Variants in TRIOBP observed in about 807,000 individuals in gnomAD.
TRIOBP encodes the protein TRIO and F-actin-binding protein.
Under a neutral mutation model 238.8 loss-of-function variants are expected in TRIOBP, and 169 were observed. The ratio of observed to expected loss-of-function variants is 0.71; its 90% CI spans 0.62 to 0.80. The LOEUF (loss-of-function observed/expected upper bound fraction) is 0.80, where lower values mean the gene tolerates loss of function less well. Among genes scored for constraint, TRIOBP ranks in the 30% least tolerant of loss-of-function variants. The pLI is 0.00. For synonymous variants in TRIOBP, 1,150 were observed against 1,274.4 expected (o/e 0.90, Z 2.08); for missense variants, 2,838 against 3,122.6 (o/e 0.91, Z 2.17).
At position 37,755,677 on chromosome 22, in the gene TRIOBP, C is replaced by T. The variant is rs1412205296; in HGVS notation, c.5687+18C>T. On this transcript the variant is annotated intron_variant, in intron 15 of 23. Coordinates refer to ENST00000644935, the MANE Select transcript of TRIOBP (RefSeq NM_001039141.3). ...GTCACCAAGTACGTACTAAGCTGGACTGGGGCCTTGAGGGAGGCACTTACC... is the reference window on the plus strand; with the variant it reads ...GTCACCAAGTACGTACTAAGCTGGATTGGGGCCTTGAGGGAGGCACTTACC... 3 of 1,612,002 alleles carry T rather than the reference C, an allele frequency of 1.9e-6. No individual in the cohort carries two copies. In the Admixed American group the frequency reaches 5.0e-5, roughly 27 times the overall value.
intron 23 of TRIOBP, among the ~76,000 whole-genome samples, chr22:37,773,355 A>C (rs1926879696): frequency 6.6e-6 from 1 of 151,996 alleles, no homozygotes; most frequent in Non-Finnish European, 1.5e-5. Context: ...AGTAGCTGGG[A>C]CCACAGGCCC....
chr22:37,719,570 G>A (rs1923714774), intron 6 of TRIOBP, among the ~76,000 whole-genome samples: 1 of 152,130 alleles, frequency 6.6e-6, no homozygotes, highest in South Asian at 2.1e-4. Flanking sequence ...AATCATGGCT[G>A]AATAGATGAG....
At position 37,733,399 on chromosome 22, in the gene TRIOBP, C is replaced by G. The variant is rs1231805145; in HGVS notation, c.4049C>G (p.Ala1350Gly). Residue 1350 changes from alanine (A) to glycine (G), a missense_variant, in exon 8 of 24, where the codon GCC becomes GGC. Around this residue, in one of 5 missense-constraint regions of TRIOBP, gnomAD observed 2,096 missense variants for 2,137.4 expected, o/e 0.98. Coordinates refer to ENST00000644935, the MANE Select transcript of TRIOBP (RefSeq NM_001039141.3). ...SQLLRRQSSP[A>G]PSRQVTMLPA... ...CTTCTCCGAAGACAGTCCAGCCCTGCCCCCAGCAGGCAGGTGAGCACTGCC... is the reference window on the plus strand; with the variant it reads ...CTTCTCCGAAGACAGTCCAGCCCTGGCCCCAGCAGGCAGGTGAGCACTGCC... 3 of 1,550,488 alleles carry G rather than the reference C, an allele frequency of 1.9e-6. No homozygotes were observed. Among genetic ancestry groups the G allele is most frequent in the Non-Finnish European group, 2.6e-6 (3 of 1,146,898 alleles).
chr22:37,712,271 TCAGCCTC>T (rs1342485572), intron 4 of TRIOBP, among the ~76,000 whole-genome samples: 31 of 151,964 alleles, frequency 2.0e-4, no homozygotes, highest in South Asian at 6.3e-4. Flanking sequence ...CACTGCAACC[TCAGCCTC>T]CCGAGTAGCT....
At chr22:37,746,864 C>A (rs1425840180) in intron 11 of TRIOBP, among the ~76,000 whole-genome samples, 1 of 149,780 alleles carries the variant, frequency 6.7e-6, no homozygotes, top group Non-Finnish European at 1.5e-5. Flanking sequence ...GTCGCGCTGA[C>A]CCGGGCCTGG....
Position 37,710,452 on chromosome 22 carries a change from AG to A in TRIOBP, c.142del (p.Val48CysfsTer71). ...YQELRSPSGAEVPYCDLPRCP... is the reference protein window; with the variant it reads ...YQELRSPSGAXVPYCDLPRCP... The stretch of plus-strand genomic sequence containing the variant: ...GAGCTCAGGAGCCCTTCAGGTGCTG[AG>A]GTGCCCTACTGCGACCTGCCTCGAT... On this transcript the variant is annotated frameshift_variant, in exon 4 of 24. Coordinates refer to ENST00000644935, the MANE Select transcript of TRIOBP (RefSeq NM_001039141.3). LOFTEE classifies it high-confidence loss of function. The A allele has an allele frequency of 6.2e-7, 1 of 1,613,496 alleles. No individual in the cohort carries two copies. Among genetic ancestry groups the A allele is most frequent in the Non-Finnish European group, 8.5e-7 (1 of 1,179,988 alleles).
At chr22:37,763,976 C>T (rs1425927746) in intron 17 of TRIOBP, among the ~76,000 whole-genome samples, 1 of 152,244 alleles carries the variant, frequency 6.6e-6, no homozygotes, top group Non-Finnish European at 1.5e-5. Context: ...ATCTTCAAAG[C>T]CTGCAGAGGG....
chr22:37,765,254 T>G (rs543957606), intron 17 of TRIOBP, among the ~76,000 whole-genome samples: 18 of 152,272 alleles, frequency 1.2e-4, no homozygotes, highest in Non-Finnish European at 2.9e-5. Context: ...CACTCCAGCC[T>G]GGGTGACAGA....
At chr22:37,747,134 T>TAGC (rs1925324839) in intron 11 of TRIOBP, among the ~76,000 whole-genome samples, 1 of 151,666 alleles carries the variant, frequency 6.6e-6, no homozygotes, top group East Asian at 2.0e-4. Context: ...GTGCCATAGT[T>TAGC]AGCATATTGA....
At position 37,725,254 on chromosome 22, in the gene TRIOBP, A is replaced by G. The variant is rs377089666; in HGVS notation, c.2698A>G (p.Thr900Ala). Reference protein sequence around the residue: ...NNPRNSSPHRTNKDIPWASFP... With the variant: ...NNPRNSSPHRANKDIPWASFP... ...TCCCAGGAATTCATCTCCCCATCGT[A>G]CTAACAAAGACATCCCCTGGGCCTC... Residue 900 changes from threonine to alanine, a missense_variant, in exon 7 of 24, where the codon ACT (threonine) becomes GCT (alanine). Transcript: ENST00000644935. 1.1e-5 allele frequency: 17 copies of G among 1,613,912 alleles called. No homozygotes were observed. The African/African-American group carries it at 2.1e-4, about 20-fold the overall frequency.
At position 37,772,674 on chromosome 22, in the gene TRIOBP, G is replaced by T. The variant is rs200850285; in HGVS notation, c.7010G>T (p.Arg2337Leu). Residue 2337 changes from arginine (R) to leucine (L), a missense_variant, in exon 23 of 24, where the codon CGG (arginine) becomes CTG (leucine). By Grantham distance (102) the Arg-to-Leu change is moderately radical. This residue lies in a region of TRIOBP where 2,096 missense variants were observed against 2,137.4 expected (regional missense o/e 0.98). Transcript: ENST00000644935. ...ELSHIKTRSEREIEQLKEHLR... is the reference protein window; with the variant it reads ...ELSHIKTRSELEIEQLKEHLR... ...AGCCACATCAAGACACGGTCTGAGC[G>T]GGAGATCGAGCAGCTGAAGGAGCAC... is the stretch of plus-strand genomic sequence containing the variant. 12 of 1,614,134 alleles carry T rather than the reference G, an allele frequency of 7.4e-6. No homozygotes were observed. The highest frequency in any genetic ancestry group is 9.3e-6 in the Non-Finnish European group (11 of 1,180,032).
intron 4 of TRIOBP, among the ~76,000 whole-genome samples, chr22:37,712,385 G>A (rs1161221621): frequency 5.9e-5 from 9 of 151,906 alleles, no homozygotes; most frequent in Non-Finnish European, 7.4e-5. Flanking sequence ...AGGCTGGAGC[G>A]CAATGGCACG....
At chr22:37,708,078 C>A (rs140095621) in intron 3 of TRIOBP, among the ~76,000 whole-genome samples, 1 of 150,134 alleles carries the variant, frequency 6.7e-6, no homozygotes. Context: ...AACCCTGTCT[C>A]TACTAAAAAT....
chr22:37,726,419 G>A lies in TRIOBP; in HGVS notation c.3863G>A (p.Gly1288Glu). ...PPRRLAQRQP[G>E]PQAQCSSGGR... ...AGGAGGCTGGCCCAGAGACAGCCAG[G>A]GCCCCAGGCGCAGTGCAGCAGCGGG... Residue 1288 changes from glycine to glutamate, a missense_variant, in exon 7 of 24, where the codon GGG becomes GAG. Transcript: ENST00000644935. 2 of 1,586,358 alleles carry A rather than the reference G, an allele frequency of 1.3e-6. No homozygotes were observed. The highest frequency in any genetic ancestry group is 1.7e-6 in the Non-Finnish European group (2 of 1,167,208).
chr22:37,738,333 T>TAGGTGGTGGAC (rs1924775334), intron 9 of TRIOBP, among the ~76,000 whole-genome samples: 1 of 151,706 alleles, frequency 6.6e-6, no homozygotes, highest in East Asian at 1.9e-4. Flanking sequence ...TGTCAGATGA[T>TAGGTGGTGGAC]AGATGTTGGA....
chr22:37,753,400 G>C (rs1050191060), intron 12 of TRIOBP, among the ~76,000 whole-genome samples: 1 of 151,962 alleles, frequency 6.6e-6, no homozygotes, highest in African/African-American at 2.4e-5. Context: ...TCAGCCTCCC[G>C]AGTAGCCGGG....
chr22:37,709,071 C>T (rs755982172), intron 3 of TRIOBP, among the ~76,000 whole-genome samples: 3 of 152,200 alleles, frequency 2.0e-5, no homozygotes, highest in African/African-American at 7.2e-5. Flanking sequence ...CTCCTGCTGC[C>T]GAGCTCTGAT....
chr22:37,739,875 T>C (rs1924851882), intron 10 of TRIOBP, among the ~76,000 whole-genome samples: 1 of 152,232 alleles, frequency 6.6e-6, no homozygotes, highest in Non-Finnish European at 1.5e-5. Context: ...CTAGTCTCCA[T>C]GAAACGGGCC....
At chr22:37,730,270 G>A (rs985707706) in intron 7 of TRIOBP, among the ~76,000 whole-genome samples, 3 of 152,156 alleles carry the variant, frequency 2.0e-5, no homozygotes, top group African/African-American at 7.2e-5. Context: ...AGGTGGCCCC[G>A]AGGAGACGCT....
Sources: allele counts gnomAD v4.1 joint callset (sites outside exome capture counted in the v4.1 genomes callset), GRCh38; gene constraint gnomAD v4.1.1; regional missense constraint gnomAD v4.1.1; transcripts MANE v1.5; gene names NCBI Gene and HGNC (gene_info 2026-07-23, HGNC 2026-07-21).